IL1RAPL1: variants seen among roughly 807,000 people sequenced by gnomAD.
IL1RAPL1 encodes the protein interleukin 1 receptor accessory protein like 1.
Under a neutral mutation model 48.4 loss-of-function variants are expected in IL1RAPL1, and 3 were observed. The observed-to-expected ratio is 0.06, with a 90% CI of 0.03 to 0.16. The LOEUF (loss-of-function observed/expected upper bound fraction) is 0.16, where lower values mean the gene tolerates loss of function less well. IL1RAPL1 is among the 10% of genes least tolerant of loss of function. IL1RAPL1 has a pLI of 1.00. For missense variants in IL1RAPL1, 349 were observed against 530.6 expected (o/e 0.66, Z 3.36); for synonymous variants, 185 against 187.7 (o/e 0.99, Z 0.12).
At chrX:29,667,439 A>G (rs1926028879) in intron 5 of IL1RAPL1, among the ~76,000 whole-genome samples, 1 of 112,201 alleles carries the variant, frequency 8.9e-6, no homozygotes, top group African/African-American at 3.2e-5. Flanking sequence ...CCTCTTGGCA[A>G]GGAAGAAAGA....
intron 5 of IL1RAPL1, among the ~76,000 whole-genome samples, chrX:29,399,689 G>GCAT (rs771067508): frequency 7.2e-4 from 79 of 110,355 alleles, no homozygotes; most frequent in Non-Finnish European, 1.3e-3. Flanking sequence ...CGTGGTGGTG[G>GCAT]GCGCCTGTAA....
chrX:29,365,913 CA>C (rs1260310127), intron 3 of IL1RAPL1, among the ~76,000 whole-genome samples: 1 of 105,665 alleles, frequency 9.5e-6, no homozygotes, highest in Non-Finnish European at 1.9e-5. Context: ...TGGTGGTGCA[CA>C]CCTGTAATCC....
chrX:29,368,526 T>C (rs1056108922), intron 3 of IL1RAPL1, among the ~76,000 whole-genome samples: 1 of 110,770 alleles, frequency 9.0e-6, no homozygotes, highest in Non-Finnish European at 1.9e-5. Context: ...GGATCACAGG[T>C]ATGTGCCACC....
intron 6 of IL1RAPL1, among the ~76,000 whole-genome samples, chrX:29,704,781 G>A (rs1251337006): frequency 8.9e-6 from 1 of 111,774 alleles, no homozygotes; most frequent in African/African-American, 3.3e-5. Context: ...GAGAAATTTT[G>A]TTCAAAAAAT....
chrX:29,405,854 C>CTT (rs201176718), intron 5 of IL1RAPL1, among the ~76,000 whole-genome samples: 2,614 of 108,692 alleles, frequency 0.024, 84 homozygotes, highest in African/African-American at 0.085. Context: ...CTGCTCCATT[C>CTT]TTTTTTTTTC....
chrX:29,303,149 G>A (rs1391134117), intron 3 of IL1RAPL1, among the ~76,000 whole-genome samples: 1 of 111,572 alleles, frequency 9.0e-6, no homozygotes, highest in Non-Finnish European at 1.9e-5. Context: ...AGGGTGTCAC[G>A]TATTTGTAAG....
chrX:29,917,368 A>G, intron 6 of IL1RAPL1, 96 bp from the exon 7 acceptor site: 2 of 753,846 alleles, frequency 2.7e-6, no homozygotes, highest in Non-Finnish European at 2.0e-6. Context: ...ATTTTATTAA[A>G]TCAATGAAAA....
intron 1 of IL1RAPL1, among the ~76,000 whole-genome samples, chrX:28,596,946 G>A (rs1456147510): frequency 3.6e-5 from 4 of 111,023 alleles, no homozygotes; most frequent in African/African-American, 1.3e-4. Flanking sequence ...ACACATGCAC[G>A]TAGAGGGATT....
rs149724430 is a variant in IL1RAPL1 at position 29,166,824 on chromosome X, T to A, written c.83-116114T>A. Among the ~76,000 whole-genome samples the A allele has an allele frequency of 1.6e-3, 176 of 111,923 alleles. 4 individuals are homozygous for A. In the East Asian group the frequency reaches 0.04, roughly 26 times the overall value. On this transcript the variant is annotated intron_variant, in intron 2 of 10. Transcript: ENST00000378993. ...CCTTGACTTTTTCATCCCAGGGCCT[T>A]TGCACATGCTGCTTACTCCATTTGC...
chrX:28,645,420 G>T (rs1183943139), intron 1 of IL1RAPL1, among the ~76,000 whole-genome samples: 1 of 107,264 alleles, frequency 9.3e-6, no homozygotes, highest in Admixed American at 1.0e-4. Context: ...TCTATTCAGA[G>T]GTGATTGCAA....
At chrX:29,060,715 A>G (rs908119852) in intron 2 of IL1RAPL1, among the ~76,000 whole-genome samples, 21 of 111,949 alleles carry the variant, frequency 1.9e-4, no homozygotes, top group East Asian at 8.4e-4. Context: ...ATCTCCCCAG[A>G]TAGTCATGAG....
chrX:29,042,525 T>C (rs1926869772), intron 2 of IL1RAPL1, among the ~76,000 whole-genome samples: 1 of 111,797 alleles, frequency 8.9e-6, no homozygotes, highest in Non-Finnish European at 1.9e-5. Flanking sequence ...ATAGACCTGT[T>C]TGAGGATGTA....
intron 2 of IL1RAPL1, among the ~76,000 whole-genome samples, chrX:28,873,592 C>T (rs1316602301): frequency 5.7e-5 from 5 of 88,308 alleles, no homozygotes; most frequent in Non-Finnish European, 1.0e-4. Flanking sequence ...AGTGCAGTGG[C>T]TCAATCTCGG....
intron 3 of IL1RAPL1, among the ~76,000 whole-genome samples, chrX:29,356,851 C>A (rs771662256): frequency 1.8e-5 from 2 of 111,685 alleles, no homozygotes; most frequent in South Asian, 7.5e-4. Context: ...CACCAGTCTG[C>A]ACTCCCACTA....
intron 5 of IL1RAPL1, among the ~76,000 whole-genome samples, chrX:29,661,169 A>G (rs1925836113): frequency 8.9e-6 from 1 of 112,349 alleles, no homozygotes; most frequent in Admixed American, 9.4e-5. Context: ...TATGTTGATT[A>G]TTATCCTGCA....
chrX:29,398,917 G>A (rs1256150912), intron 4 of IL1RAPL1, among the ~76,000 whole-genome samples: 1 of 111,954 alleles, frequency 8.9e-6, no homozygotes, highest in Non-Finnish European at 1.9e-5. Flanking sequence ...ATAATCTTCA[G>A]ATTGAAGTAT....
At chrX:29,803,389 A>G (rs761096442) in intron 6 of IL1RAPL1, among the ~76,000 whole-genome samples, 1 of 91,333 alleles carries the variant, frequency 1.1e-5, no homozygotes, top group South Asian at 5.2e-4. Flanking sequence ...ATACATGTAT[A>G]CACATATGTA....
At chrX:29,002,720 A>G (rs1007135484) in intron 2 of IL1RAPL1, among the ~76,000 whole-genome samples, 1 of 112,168 alleles carries the variant, frequency 8.9e-6, no homozygotes, top group Non-Finnish European at 1.9e-5. Flanking sequence ...ATTGAAAGCA[A>G]CTTGTGTTGG....
At chrX:29,579,331 G>A (rs1336651946) in intron 5 of IL1RAPL1, among the ~76,000 whole-genome samples, 1 of 111,646 alleles carries the variant, frequency 9.0e-6, no homozygotes, top group East Asian at 2.8e-4. Context: ...TGATAGCATT[G>A]GACATATAAA....
Sources: gnomAD v4.1 joint callset for allele counts (sites outside exome capture counted in the v4.1 genomes callset) on GRCh38, gnomAD v4.1.1 for gene constraint, MANE v1.5 for transcripts, NCBI Gene and HGNC (gene_info 2026-07-23, HGNC 2026-07-21) for gene names.